The following RAB37 variants were observed in gnomAD, a reference collection of about 807,000 sequenced individuals.
The protein encoded by RAB37 is ras-related protein Rab-37.
RAB37 carries 29 observed loss-of-function variants against 33.1 expected under a neutral mutation model. That is an observed-to-expected ratio of 0.88 (90% confidence interval 0.65 to 1.20). The LOEUF (loss-of-function observed/expected upper bound fraction) is 1.20. Among genes scored for constraint, RAB37 ranks in the 50% most tolerant of loss-of-function variants. The probability of loss-of-function intolerance (pLI) is 0.00; values close to 1 mark genes in which losing one functional copy is unlikely to be tolerated. For synonymous variants in RAB37, 128 were observed against 119.5 expected, an observed-to-expected ratio of 1.07 and a Z score of -0.47; for missense variants, 299 against 301.1, an observed-to-expected ratio of 0.99 and a Z score of 0.05.
chr17:74,695,214 A>G (rs962719800), intron 1 of RAB37: 1 of 1,614,170 alleles, frequency 6.2e-7, no homozygotes, highest in Non-Finnish European at 8.5e-7. Context: ...ACCCAAGGTC[A>G]GAGATGCATA....
chr17:74,728,777 TTC>T (rs1331707496), intron 1 of RAB37, among the ~76,000 whole-genome samples: 2 of 152,138 alleles, frequency 1.3e-5, no homozygotes, highest in East Asian at 3.8e-4. Context: ...GCATGTATGT[TTC>T]TGTGTCATGT....
upstream of RAB37, chr17:74,736,875 C>A (rs2034483787): frequency 1.3e-6 from 2 of 1,501,300 alleles, no homozygotes; most frequent in Non-Finnish European, 1.8e-6. Flanking sequence ...GGACAGCCCA[C>A]GGCCCGGGGC....
In RAB37 at chr17:74,704,504, AC is replaced by A. The variant is rs749399700; in HGVS notation, c.73-24748del. The A allele has an allele frequency of 8.1e-6, 13 of 1,613,504 alleles. No homozygotes were observed. In the South Asian group the frequency reaches 1.4e-4, roughly 18 times the overall value. On this transcript the variant is annotated intron_variant, in intron 1 of 7. Transcript: ENST00000340415. Reference sequence around the variant, plus strand: ...TGGGTCAATGGTCACTTGAACTGTGACCCCAAGGTCATTTCCAGTTTTCTCA... The same window carrying A: ...TGGGTCAATGGTCACTTGAACTGTGACCCAAGGTCATTTCCAGTTTTCTCA...
At chr17:74,735,011 AAGGAAGG>A (rs2034448805), upstream of RAB37, among the ~76,000 whole-genome samples, 1 of 106,536 alleles carries the variant, frequency 9.4e-6, no homozygotes, top group Non-Finnish European at 2.0e-5. Flanking sequence ...AAAAGAAAGG[AAGGAAGG>A]AAGAAAGAAA....
chr17:74,712,200 C>A (rs141148701), intron 1 of RAB37, among the ~76,000 whole-genome samples: 4 of 152,106 alleles, frequency 2.6e-5, no homozygotes, highest in Non-Finnish European at 5.9e-5. Context: ...CTTTCCCTGG[C>A]CTCCCTTCAT....
chr17:74,725,643 A>G (rs1166476789), intron 1 of RAB37, among the ~76,000 whole-genome samples: 1 of 149,736 alleles, frequency 6.7e-6, no homozygotes, highest in Non-Finnish European at 1.5e-5. Context: ...TTTTTTTTTG[A>G]GACGGAGTTT....
intron 1 of RAB37, chr17:74,694,189 G>A (rs943382078): frequency 6.6e-6 from 1 of 152,156 alleles, no homozygotes; most frequent in Non-Finnish European, 1.5e-5. Context: ...GACAGTAATA[G>A]AAGTGCCTCA....
At chr17:74,703,951 G>C (rs2033286873) in intron 1 of RAB37, among the ~76,000 whole-genome samples, 1 of 152,236 alleles carries the variant, frequency 6.6e-6, no homozygotes, top group South Asian at 2.1e-4. Context: ...CAGGGACCAG[G>C]AATGCAGCCG....
intron 1 of RAB37, among the ~76,000 whole-genome samples, chr17:74,726,554 A>C (rs1468392277): frequency 2.6e-5 from 4 of 152,208 alleles, no homozygotes; most frequent in African/African-American, 9.6e-5. Flanking sequence ...AGCCTGAGGA[A>C]GTTAGATTCT....
intron 1 of RAB37, among the ~76,000 whole-genome samples, chr17:74,687,549 T>C (rs534643250): frequency 2.0e-5 from 3 of 152,080 alleles, no homozygotes; most frequent in Admixed American, 6.6e-5. Context: ...GATGCAAGAG[T>C]TGCAGACCCT....
In RAB37 at chr17:74,744,562, G is replaced by C. The variant is rs975596641; in HGVS notation, c.432+189G>C. On this transcript the variant is annotated intron_variant, in intron 6 of 8. Transcript: ENST00000392613. The surrounding 1 kb of genome is among the most constrained non-coding windows in gnomAD (Gnocchi z 4.2). The stretch of plus-strand genomic sequence containing the variant: ...GCCCCTTCCAGGGAAAGTCCAAGTT[G>C]TTGCCTGAGAAATCAAGGGGTGCCC... The C allele has an allele frequency of 6.2e-6, 4 of 649,642 alleles. No homozygotes were observed. Among genetic ancestry groups the C allele is most frequent in the Non-Finnish European group, 8.0e-6 (3 of 373,008 alleles). 40.2% of individuals were successfully genotyped at this position (649,642 alleles called of 1,614,324 possible). A position where few individuals can be genotyped will look rare whatever the true frequency, so the allele number is the denominator to read the frequency against.
intron 1 of RAB37, chr17:74,704,572 C>T (rs957693851): frequency 6.2e-7 from 1 of 1,614,180 alleles, no homozygotes; most frequent in Non-Finnish European, 8.5e-7. Flanking sequence ...TCATGAGATC[C>T]TCCATGGTCA....
At chr17:74,681,456 C>A (rs887865915) in intron 1 of RAB37, among the ~76,000 whole-genome samples, 2 of 152,196 alleles carry the variant, frequency 1.3e-5, no homozygotes, top group African/African-American at 4.8e-5. Context: ...GACCCCTGTC[C>A]AATTGTGGCA....
At chr17:74,674,265 A>G (rs1260869751) in intron 1 of RAB37, among the ~76,000 whole-genome samples, 1 of 151,976 alleles carries the variant, frequency 6.6e-6, no homozygotes. Context: ...GTTGTTTTGT[A>G]GAGACAGAGT....
At chr17:74,711,899 C>CTTTTTTTTTTTTTTTTTTTTT (rs2033989436) in intron 1 of RAB37, among the ~76,000 whole-genome samples, 1 of 143,556 alleles carries the variant, frequency 7.0e-6, no homozygotes. Context: ...TTTCTTTTTT[C>CTTTTTTTTTTTTTTTTTTTTT]TTTTTTCTTT....
upstream of RAB37, chr17:74,736,560 G>A: frequency 6.7e-7 from 1 of 1,481,728 alleles, no homozygotes; most frequent in East Asian, 2.5e-5. Flanking sequence ...CTTCAGGAGC[G>A]GTCCACTGGG....
intron 1 of RAB37, among the ~76,000 whole-genome samples, chr17:74,720,507 C>T (rs1434379238): frequency 2.0e-5 from 3 of 152,046 alleles, no homozygotes; most frequent in Admixed American, 6.5e-5. Flanking sequence ...AGGAGAATTG[C>T]TTGAACCCAG....
intron 1 of RAB37, 66 bp from the exon 2 acceptor site, chr17:74,740,702 C>G (rs1251585597): frequency 9.0e-7 from 1 of 1,104,994 alleles, no homozygotes; most frequent in African/African-American, 1.5e-5. Flanking sequence ...CTCCATGTGT[C>G]TCTCTCCTGG....
At position 74,695,924 on chromosome 17, in the gene RAB37, C is replaced by T. The variant is rs140356689; in HGVS notation, c.72+24266C>T. 6.5e-5 allele frequency: 101 copies of T among 1,556,266 alleles called. No homozygotes were observed. In the East Asian group the frequency reaches 1.3e-3, roughly 21 times the overall value. ...TCTGTGGACACAGGTTCCTTTTCCA[C>T]GGTGGGACGGGACGAGAGCCTCTCC... On this transcript the variant is annotated intron_variant, in intron 1 of 7. Transcript: ENST00000340415.
Sources: gnomAD v4.1 joint callset for allele counts (sites outside exome capture counted in the v4.1 genomes callset) on GRCh38, gnomAD v4.1.1 for gene constraint, Gnocchi (gnomAD v3.1) non-coding constraint, MANE v1.5 for transcripts, NCBI Gene and HGNC (gene_info 2026-07-23, HGNC 2026-07-21) for gene names.